CDH8: variants seen among roughly 807,000 people sequenced by gnomAD.
CDH8 encodes cadherin 8, also known as cadherin-8.
In CDH8, 17 loss-of-function variants were observed where a neutral mutation model predicts 68.1. The ratio of observed to expected loss-of-function variants is 0.25; its 90% CI spans 0.17 to 0.37. CDH8 has a LOEUF of 0.37. CDH8 is among the 10% of genes least tolerant of loss of function. CDH8 has a pLI of 1.00. For missense variants in CDH8, 763 were observed against 999.3 expected (o/e 0.76, Z 3.19); for synonymous variants, 372 against 365.1 (o/e 1.02, Z -0.21).
At chr16:61,715,350 C>CACA (rs1432814710) in intron 9 of CDH8, among the ~76,000 whole-genome samples, 1 of 151,566 alleles carries the variant, frequency 6.6e-6, no homozygotes, top group Non-Finnish European at 1.5e-5. Flanking sequence ...AGATAAAAGT[C>CACA]ACAGCTCTGT....
At chr16:61,782,403 C>A (rs553683555) in intron 8 of CDH8, among the ~76,000 whole-genome samples, 2 of 151,924 alleles carry the variant, frequency 1.3e-5, no homozygotes, top group African/African-American at 2.4e-5. Flanking sequence ...CGGCGCACCA[C>A]GAGACTATAT....
chr16:61,953,162 T>C (rs1368183961), intron 2 of CDH8, among the ~76,000 whole-genome samples: 1 of 152,100 alleles, frequency 6.6e-6, no homozygotes, highest in African/African-American at 2.4e-5. Context: ...AAGTAACCCA[T>C]AACCAGACAC....
chr16:62,007,454 G>T (rs1467694206), intron 2 of CDH8, among the ~76,000 whole-genome samples: 1 of 152,064 alleles, frequency 6.6e-6, no homozygotes, highest in Non-Finnish European at 1.5e-5. Flanking sequence ...AACAAAATTG[G>T]TCTCTGAAAA....
intron 2 of CDH8, among the ~76,000 whole-genome samples, chr16:62,016,431 G>A (rs988390098): frequency 6.6e-6 from 1 of 152,178 alleles, no homozygotes; most frequent in African/African-American, 2.4e-5. Context: ...TTGCAGCCAA[G>A]GGTTCTCATA....
chr16:61,832,327 AGATAATAG>A (rs1230827037), intron 4 of CDH8, among the ~76,000 whole-genome samples: 29 of 145,186 alleles, frequency 2.0e-4, no homozygotes, highest in Admixed American at 1.0e-3. Flanking sequence ...GAAGACAGAT[AGATAATAG>A]ATAGATAGAT....
chr16:62,025,120 G>A (rs138315839), intron 1 of CDH8, among the ~76,000 whole-genome samples: 182 of 152,234 alleles, frequency 1.2e-3, no homozygotes, highest in Middle Eastern at 3.4e-3. Flanking sequence ...TTTAAATGTC[G>A]AAATAGAATT....
At chr16:61,930,260 A>G (rs1166076588) in intron 2 of CDH8, among the ~76,000 whole-genome samples, 2 of 147,274 alleles carry the variant, frequency 1.4e-5, no homozygotes, top group Non-Finnish European at 3.0e-5. Context: ...TAAATTAACT[A>G]AAGTTAGAAA....
chr16:61,935,616 C>CT (rs1248213833), intron 2 of CDH8, among the ~76,000 whole-genome samples: 1 of 151,964 alleles, frequency 6.6e-6, no homozygotes, highest in African/African-American at 2.4e-5. Context: ...GTTTCTAAGT[C>CT]TATTTCCTGT....
Position 61,779,204 on chromosome 16 carries a change from G to A in CDH8, c.1414+10142C>T, listed in dbSNP as rs150594827. Among the ~76,000 whole-genome samples, 864 of 152,128 alleles carry A rather than the reference G, an allele frequency of 5.7e-3. 10 individuals are homozygous for A. The highest frequency in any genetic ancestry group is 0.02 in the African/African-American group (831 of 41,512). The stretch of plus-strand genomic sequence containing the variant: ...GAAACTTTCTATTCCACACCATCAC[G>A]TTCTCTGTGAAGGACATTTTAAAAT... On this transcript the variant is annotated intron_variant, in intron 8 of 11. Transcript: ENST00000577390.
At chr16:62,025,700 G>A (rs990716635) in intron 1 of CDH8, among the ~76,000 whole-genome samples, 1 of 151,938 alleles carries the variant, frequency 6.6e-6, no homozygotes, top group African/African-American at 2.4e-5. Context: ...GAAATAGACT[G>A]TTTTTGAAAT....
At chr16:61,771,779 T>G (rs532598922) in intron 8 of CDH8, among the ~76,000 whole-genome samples, 1 of 152,020 alleles carries the variant, frequency 6.6e-6, no homozygotes, top group Non-Finnish European at 1.5e-5. Context: ...TACTATAGTT[T>G]CTTTTTAACC....
At chr16:61,790,312 C>T (rs369328764) in intron 7 of CDH8, among the ~76,000 whole-genome samples, 170 of 152,022 alleles carry the variant, frequency 1.1e-3, no homozygotes, top group African/African-American at 3.6e-3. Flanking sequence ...ATTATTCTCA[C>T]GACATTTATT....
rs915959352 is a variant in CDH8 at position 61,649,808 on chromosome 16, T to G, written c.*3800A>C. 1 of 152,118 alleles carries G rather than the reference T, an allele frequency of 6.6e-6. No homozygotes were observed. 9.4% of individuals were successfully genotyped at this position (152,118 alleles called of 1,614,324 possible). On this transcript the variant is annotated 3_prime_UTR_variant, in exon 12 of 12. Coordinates refer to ENST00000577390, the MANE Select transcript of CDH8 (RefSeq NM_001796.5). The stretch of plus-strand genomic sequence containing the variant: ...TGGCTACTTAGCTCTCAGCACCCGC[T>G]TTTCCTTTTCCAAAATACAGCATAG...
chr16:62,024,799 C>T (rs1032445099), intron 1 of CDH8, among the ~76,000 whole-genome samples: 1 of 152,186 alleles, frequency 6.6e-6, no homozygotes, highest in Non-Finnish European at 1.5e-5. Context: ...ACTCAAGGAG[C>T]ACTTCTAAGT....
chr16:61,779,575 T>C (rs1331224572), intron 8 of CDH8, among the ~76,000 whole-genome samples: 1 of 151,994 alleles, frequency 6.6e-6, no homozygotes, highest in African/African-American at 2.4e-5. Context: ...TATTCCTTGT[T>C]TGTTTGTTTT....
chr16:61,696,588 C>T (rs1288286796), intron 10 of CDH8, among the ~76,000 whole-genome samples: 2 of 152,092 alleles, frequency 1.3e-5, no homozygotes, highest in Admixed American at 6.6e-5. Context: ...TACCATTTGA[C>T]CCAGCATTTC....
At chr16:61,767,446 C>T (rs1192021146) in intron 8 of CDH8, among the ~76,000 whole-genome samples, 2 of 151,832 alleles carry the variant, frequency 1.3e-5, no homozygotes, top group Admixed American at 6.6e-5. Context: ...GATAATAATA[C>T]CAGCCATGGA....
intron 2 of CDH8, among the ~76,000 whole-genome samples, chr16:62,005,856 C>T (rs1356641852): frequency 6.6e-6 from 1 of 151,780 alleles, no homozygotes; most frequent in African/African-American, 2.4e-5. Flanking sequence ...TAAAAGGGAC[C>T]ACATAAACCA....
intron 10 of CDH8, chr16:61,692,218 G>A (rs1293139229): frequency 2.0e-5 from 3 of 152,062 alleles, no homozygotes; most frequent in African/African-American, 4.8e-5. Context: ...TAATGCAAAC[G>A]TGATGACCAA....
Sources: allele counts gnomAD v4.1 joint callset (sites outside exome capture counted in the v4.1 genomes callset), GRCh38; gene constraint gnomAD v4.1.1; transcripts MANE v1.5; gene names NCBI Gene and HGNC (gene_info 2026-07-23, HGNC 2026-07-21).